The following COPS4 variants were observed in gnomAD, a reference collection of about 807,000 sequenced individuals.
The protein encoded by COPS4 is COP9 signalosome subunit 4.
A neutral mutation model predicts 55.1 loss-of-function variants in COPS4; 8 were observed. The ratio of observed to expected loss-of-function variants is 0.15; its 90% confidence interval spans 0.09 to 0.26. The LOEUF (loss-of-function observed/expected upper bound fraction) is 0.26. Ranked by LOEUF, COPS4 falls within the 10% of genes least tolerant of loss-of-function variation. The pLI, the probability that COPS4 is intolerant of heterozygous loss-of-function variation, is 1.00. For missense variants in COPS4, 248 were observed against 484.0 expected (o/e 0.51, Z 4.58); for synonymous variants, 185 against 165.7 (o/e 1.12, Z -0.90).
intron 9 of COPS4, among the ~76,000 whole-genome samples, chr4:83,070,741 T>C (rs749119963): frequency 6.6e-6 from 1 of 152,226 alleles, no homozygotes; most frequent in Non-Finnish European, 1.5e-5. Context: ...AGTTCCCTAG[T>C]ACAGCTGGAG....
At chr4:83,037,088 T>C (rs769593242) in intron 1 of COPS4, among the ~76,000 whole-genome samples, 2 of 152,178 alleles carry the variant, frequency 1.3e-5, no homozygotes, top group Non-Finnish European at 2.9e-5. Flanking sequence ...CATGCAGATA[T>C]AGTCAGCTGG....
chr4:83,045,831 TTTAAACTG>T, intron 2 of COPS4, 126 bp downstream of exon 2: 1 of 590,058 alleles, frequency 1.7e-6, no homozygotes, highest in South Asian at 2.3e-5. Context: ...GATTTTAGAA[TTTAAACTG>T]TTTACAACTT....
At chr4:83,036,337 C>T (rs984169127) in intron 1 of COPS4, among the ~76,000 whole-genome samples, 2 of 151,622 alleles carry the variant, frequency 1.3e-5, no homozygotes, top group Non-Finnish European at 2.9e-5. Flanking sequence ...TTAATGTTTA[C>T]ATCCTGACAG....
chr4:83,055,589 A>C (rs1014301950), intron 4 of COPS4, among the ~76,000 whole-genome samples: 1 of 151,724 alleles, frequency 6.6e-6, no homozygotes, highest in Non-Finnish European at 1.5e-5. Flanking sequence ...GACTGCAGGC[A>C]TGTGCCTCTA....
At chr4:83,059,647 T>TC (rs2126132273) in intron 6 of COPS4, among the ~76,000 whole-genome samples, 1 of 152,248 alleles carries the variant, frequency 6.6e-6, no homozygotes, top group African/African-American at 2.4e-5. Context: ...AAATTTTTTT[T>TC]CAATATCTAG....
chr4:83,059,709 G>A (rs983342750), intron 6 of COPS4, among the ~76,000 whole-genome samples: 10 of 146,676 alleles, frequency 6.8e-5, no homozygotes, highest in Admixed American at 2.7e-4. Context: ...TTGTTTGTTT[G>A]TTTTTGAAAC....
chr4:83,064,865 GT>G (rs1731254740), intron 7 of COPS4, among the ~76,000 whole-genome samples: 2 of 118,270 alleles, frequency 1.7e-5, no homozygotes, highest in Non-Finnish European at 3.3e-5. Context: ...TGGTTAAGCA[GT>G]CCCTTTTTTT....
At chr4:83,074,611 C>T (rs1289143072) in intron 9 of COPS4, among the ~76,000 whole-genome samples, 3 of 150,416 alleles carry the variant, frequency 2.0e-5, no homozygotes, top group East Asian at 2.0e-4. Flanking sequence ...TACAGGCGCC[C>T]GCCACCACGC....
chr4:83,057,186 C>CT, intron 5 of COPS4, 72 bp from the exon 6 acceptor site: 1 of 1,511,662 alleles, frequency 6.6e-7, no homozygotes, highest in Non-Finnish European at 9.0e-7. Context: ...AATTGTTTCT[C>CT]TGTTTTGTTT....
rs552965924 is a variant in COPS4 at position 83,049,219 on chromosome 4, T to A, written c.208T>A (p.Cys70Ser). 1.3e-4 allele frequency: 207 copies of A among 1,611,806 alleles called. No individual in the cohort carries two copies. The highest frequency in any genetic ancestry group is 9.4e-4 in the South Asian group (85 of 90,340). The change falls in exon 3 of 10, where the codon TGC becomes AGC. Residue 70 changes from cysteine (C) to serine (S), a missense_variant. Cys to Ser is a moderately radical substitution (Grantham distance 112, BLOSUM62 -1). This residue lies in a region of COPS4 where 155 missense variants were observed against 326.6 expected (regional missense o/e 0.47). Coordinates refer to ENST00000264389, the MANE Select transcript of COPS4 (RefSeq NM_016129.3). ...CTCGCGGCAGTTGCTGACTGATTTT[T>A]GCACACATCTTCCTAACTTGCCTGA... ...VISRQLLTDF[C>S]THLPNLPDST... is the part of the protein sequence containing the mutation.
At chr4:83,053,982 T>G (rs1256123352) in intron 4 of COPS4, among the ~76,000 whole-genome samples, 2 of 152,186 alleles carry the variant, frequency 1.3e-5, no homozygotes, top group African/African-American at 2.4e-5. Flanking sequence ...AGACTATTGC[T>G]TATTGTATTG....
At chr4:83,044,666 T>C (rs1730659789) in intron 1 of COPS4, among the ~76,000 whole-genome samples, 1 of 150,208 alleles carries the variant, frequency 6.7e-6, no homozygotes, top group Non-Finnish European at 1.5e-5. Context: ...TCCCAGCTAC[T>C]CAGGAGGCTG....
At chr4:83,037,301 C>T (rs1411528807) in intron 1 of COPS4, among the ~76,000 whole-genome samples, 1 of 152,138 alleles carries the variant, frequency 6.6e-6, no homozygotes, top group Non-Finnish European at 1.5e-5. Flanking sequence ...GAAGACCAGC[C>T]CAGATTCAAG....
chr4:83,066,565 A>T lies in COPS4; in HGVS notation c.1002+12A>T. 1 of 1,235,530 alleles carries T rather than the reference A, an allele frequency of 8.1e-7. No homozygotes were observed. Among genetic ancestry groups the T allele is most frequent in the Non-Finnish European group, 1.2e-6 (1 of 868,180 alleles). The allele number at this position is 1,235,530 out of a possible 1,614,324, so 76.5% of individuals were successfully genotyped here. On this transcript the variant is annotated intron_variant, in intron 8 of 9. Transcript: ENST00000264389. The stretch of plus-strand genomic sequence containing the variant: ...TCCCTGCAGCTAAGGTATCTTCTTG[A>T]TTCCAATACATTTAAAAAAAAGTTA...
intron 4 of COPS4, among the ~76,000 whole-genome samples, chr4:83,054,068 C>T (rs572394890): frequency 1.1e-4 from 17 of 152,086 alleles, no homozygotes; most frequent in South Asian, 8.3e-4. Context: ...TTTGGCCAGG[C>T]GCGGTGGCTC....
intron 2 of COPS4, among the ~76,000 whole-genome samples, chr4:83,047,803 A>G (rs923227095): frequency 1.3e-5 from 2 of 152,140 alleles, no homozygotes; most frequent in African/African-American, 4.8e-5. Flanking sequence ...GATCAAGACC[A>G]TTTTGGCTAA....
intron 6 of COPS4, among the ~76,000 whole-genome samples, chr4:83,062,457 T>A (rs1357388636): frequency 6.6e-6 from 1 of 152,218 alleles, no homozygotes; most frequent in African/African-American, 2.4e-5. Context: ...TTTGCAGATA[T>A]GTGCAGGGTG....
intron 7 of COPS4, among the ~76,000 whole-genome samples, chr4:83,064,528 C>T (rs1195129197): frequency 2.6e-5 from 4 of 152,132 alleles, no homozygotes; most frequent in Admixed American, 6.5e-5. Flanking sequence ...CTCCCCTCTG[C>T]CTGCTGTACT....
At chr4:83,047,398 T>C (rs1730742898) in intron 2 of COPS4, among the ~76,000 whole-genome samples, 1 of 150,494 alleles carries the variant, frequency 6.6e-6, no homozygotes, top group African/African-American at 2.4e-5. Flanking sequence ...TACAAAAAAA[T>C]ACGAAAATTA....
Sources: allele counts gnomAD v4.1 joint callset (sites outside exome capture counted in the v4.1 genomes callset), GRCh38; gene constraint gnomAD v4.1.1; regional missense constraint gnomAD v4.1.1; transcripts MANE v1.5; gene names NCBI Gene and HGNC (gene_info 2026-07-23, HGNC 2026-07-21).